The following PIEZO2 variants were observed in gnomAD, a reference collection of about 807,000 sequenced individuals.
The protein encoded by PIEZO2 is piezo type mechanosensitive ion channel component 2, also known as piezo-type mechanosensitive ion channel component 2.
Under a neutral mutation model 337.3 loss-of-function variants are expected in PIEZO2, and 172 were observed. The observed-to-expected ratio is 0.51, with a 90% CI of 0.45 to 0.58. PIEZO2 has a LOEUF of 0.58. Among genes scored for constraint, PIEZO2 ranks in the 20% least tolerant of loss-of-function variants. PIEZO2 has a pLI of 0.00. For missense variants in PIEZO2, 3,028 were observed against 3,391.3 expected, an observed-to-expected ratio of 0.89 and a Z score of 2.66; for synonymous variants, 1,251 against 1,228.5, an observed-to-expected ratio of 1.02 and a Z score of -0.38.
At position 11,069,776 on chromosome 18, in the gene PIEZO2, C is replaced by G. The variant is rs1223413675; in HGVS notation, c.65-3554G>C. Among the ~76,000 whole-genome samples the G allele has an allele frequency of 6.6e-6, 1 of 151,966 alleles. No individual in the cohort carries two copies. Among genetic ancestry groups the G allele is most frequent in the Non-Finnish European group, 1.5e-5 (1 of 67,972 alleles). ...TGACATGATCTTATATTAAGAAAAC[C>G]CTAAAGATTCAACCAAAAAATTGTT... On this transcript the variant is annotated intron_variant, in intron 1 of 55. Coordinates refer to ENST00000674853, the MANE Select transcript of PIEZO2 (RefSeq NM_001378183.1). This position sits in a 1 kb window ranked among gnomAD's most constrained non-coding sequence, Gnocchi z 4.9.
chr18:11,060,833 G>A (rs866111363), intron 2 of PIEZO2, among the ~76,000 whole-genome samples: 1 of 150,854 alleles, frequency 6.6e-6, no homozygotes, highest in Non-Finnish European at 1.5e-5. Flanking sequence ...GAGGTACAAG[G>A]AGGAGCTGGT....
At chr18:10,700,183 A>G (rs1217715857) in intron 43 of PIEZO2, among the ~76,000 whole-genome samples, 1 of 152,080 alleles carries the variant, frequency 6.6e-6, no homozygotes, top group Non-Finnish European at 1.5e-5. Context: ...TATTTAGATT[A>G]TTTCACAACT....
rs2043093856 is a variant in PIEZO2 at position 10,903,253 on chromosome 18, C to T, written c.329+7933G>A. Among the ~76,000 whole-genome samples the T allele has an allele frequency of 6.6e-6, 1 of 152,210 alleles. No homozygotes were observed. The highest frequency in any genetic ancestry group is 1.5e-5 in the Non-Finnish European group (1 of 68,034). On this transcript the variant is annotated intron_variant, in intron 4 of 55. Transcript: ENST00000674853. The surrounding 1 kb of genome is among the most constrained non-coding windows in gnomAD (Gnocchi z 4.1). ...TCACTCTCCTGAACTACTGCAGCAGCTTCCTAGCTGAACTCCTGGCTCATC... is the reference window on the plus strand; with the variant it reads ...TCACTCTCCTGAACTACTGCAGCAGTTTCCTAGCTGAACTCCTGGCTCATC...
intron 28 of PIEZO2, among the ~76,000 whole-genome samples, chr18:10,752,258 A>C (rs1173603979): frequency 6.6e-6 from 1 of 152,190 alleles, no homozygotes; most frequent in Non-Finnish European, 1.5e-5. Flanking sequence ...TTGCCAACAT[A>C]ATACAGCTTT....
intron 1 of PIEZO2, among the ~76,000 whole-genome samples, chr18:11,113,855 G>A (rs1344030569): frequency 6.6e-6 from 1 of 152,192 alleles, no homozygotes; most frequent in East Asian, 1.9e-4. Context: ...GTCCTTTCTT[G>A]GTGTGTTCTC....
chr18:10,729,742 C>T (rs1183271061), intron 36 of PIEZO2, among the ~76,000 whole-genome samples: 2 of 152,124 alleles, frequency 1.3e-5, no homozygotes, highest in East Asian at 3.9e-4. Flanking sequence ...GAATATTCCT[C>T]CTGATCTTTC....
At chr18:10,700,274 T>C (rs1195338836) in intron 43 of PIEZO2, among the ~76,000 whole-genome samples, 2 of 152,136 alleles carry the variant, frequency 1.3e-5, no homozygotes, top group East Asian at 3.8e-4. Context: ...AATAGGATGG[T>C]TTCAAGCACT....
At chr18:10,995,776 GA>G (rs2035298809) in intron 2 of PIEZO2, among the ~76,000 whole-genome samples, 1 of 152,138 alleles carries the variant, frequency 6.6e-6, no homozygotes, top group Non-Finnish European at 1.5e-5. Context: ...CAGGGCTGTG[GA>G]GTTGCTGCCA....
Position 10,704,574 on chromosome 18 carries a change from G to C in PIEZO2, c.6078C>G (p.Ala2026=). The C allele has an allele frequency of 6.5e-7, 1 of 1,537,276 alleles. No individual in the cohort carries two copies. Among genetic ancestry groups the C allele is most frequent in the South Asian group, 1.2e-5 (1 of 84,060 alleles). The change falls in exon 42 of 56, where the codon GCC becomes GCG. Residue 2026 remains alanine (A), a synonymous_variant. Transcript: ENST00000674853. ...AGCGGGCCACCAGGGTATTGTACAT[G>C]GCATAGAAGAGCAGCAGAAATCGGG... ...GQPRFLLLFY[A]MYNTLVARSE... is the part of the protein sequence containing the mutation.
intron 2 of PIEZO2, among the ~76,000 whole-genome samples, chr18:10,994,018 C>A (rs953821164): frequency 6.6e-6 from 1 of 152,136 alleles, no homozygotes; most frequent in Non-Finnish European, 1.5e-5. Flanking sequence ...CCCACACTTT[C>A]CCCCTGCGTC....
chr18:11,043,513 T>A (rs1225340247), intron 2 of PIEZO2, among the ~76,000 whole-genome samples: 4 of 152,146 alleles, frequency 2.6e-5, no homozygotes, highest in African/African-American at 9.7e-5. Context: ...TAGTAATTTT[T>A]ATGTTAATTT....
At chr18:10,892,027 C>T (rs2042772410) in intron 4 of PIEZO2, among the ~76,000 whole-genome samples, 1 of 152,074 alleles carries the variant, frequency 6.6e-6, no homozygotes, top group Non-Finnish European at 1.5e-5. Flanking sequence ...GGCAGTCAGA[C>T]TGAAGATAGA....
At chr18:10,704,782 T>A in intron 41 of PIEZO2, 130 bp from the exon 42 acceptor site, 3 of 1,091,964 alleles carry the variant, frequency 2.7e-6, no homozygotes, top group African/African-American at 1.6e-5. Flanking sequence ...CCTCCCGAAC[T>A]CAAGCCATTC....
chr18:10,706,610 G>A (rs1286988608), intron 40 of PIEZO2, among the ~76,000 whole-genome samples: 1 of 152,142 alleles, frequency 6.6e-6, no homozygotes, highest in Non-Finnish European at 1.5e-5. Flanking sequence ...CTCACTCCCT[G>A]CCTTTGGCAT....
chr18:10,789,133 T>A lies in PIEZO2; in HGVS notation c.2115A>T (p.Val705=). Residue 705 remains valine, a synonymous_variant, in exon 15 of 56, where the codon GTA becomes GTT. Transcript: ENST00000674853. ...FFFVSFEGKI[V]MYKIIYMVLF... ...GCACCATGTAGATGATTTTGTACAT[T>A]ACGATTTTACCCTCGAAGCTGACGA... 6.5e-7 allele frequency: 1 copy of A among 1,537,264 alleles called. No individual in the cohort carries two copies. The highest frequency in any genetic ancestry group is 2.4e-5 in the East Asian group (1 of 40,912).
intron 2 of PIEZO2, among the ~76,000 whole-genome samples, chr18:10,991,506 T>C (rs1240172516): frequency 6.6e-6 from 1 of 152,006 alleles, no homozygotes; most frequent in Non-Finnish European, 1.5e-5. Context: ...CTGCGTTGGT[T>C]TGCTGAGAAT....
At chr18:11,145,436 G>A (rs2040785551) in intron 1 of PIEZO2, among the ~76,000 whole-genome samples, 1 of 152,064 alleles carries the variant, frequency 6.6e-6, no homozygotes, top group Non-Finnish European at 1.5e-5. Flanking sequence ...AAAAACACTA[G>A]GAATCTCTGT....
chr18:10,743,319 C>T (rs1040985123), intron 31 of PIEZO2, among the ~76,000 whole-genome samples: 15 of 152,148 alleles, frequency 9.9e-5, no homozygotes, highest in Admixed American at 6.5e-4. Context: ...ACAGAACTTT[C>T]CCAGGGGGCA....
At position 10,697,853 on chromosome 18, in the gene PIEZO2, T is replaced by A. The variant is rs1228178324; in HGVS notation, c.6722A>T (p.Gln2241Leu). ...AATACTCAAAACACTGCTTCCTTTT[T>A]GACTGCTGTTTCGGGTGCTTGTGCT... Reference protein sequence around the residue: ...RGSTSTRNSSQKGSSVLSIKQ... With the variant: ...RGSTSTRNSSLKGSSVLSIKQ... The change falls in exon 45 of 56, where the codon CAA (glutamine) becomes CTA (leucine). Residue 2241 changes from glutamine to leucine, a missense_variant. Around this residue, in one of 5 missense-constraint regions of PIEZO2, gnomAD observed 1,925 missense variants for 2,051.9 expected, o/e 0.94. Transcript: ENST00000674853. 8 of 1,614,008 alleles carry A rather than the reference T, an allele frequency of 5.0e-6. No individual in the cohort carries two copies. The highest frequency in any genetic ancestry group is 6.8e-6 in the Non-Finnish European group (8 of 1,179,910).
Sources: allele counts gnomAD v4.1 joint callset (sites outside exome capture counted in the v4.1 genomes callset), GRCh38; gene constraint gnomAD v4.1.1; regional missense constraint gnomAD v4.1.1; non-coding constraint Gnocchi (gnomAD v3.1); transcripts MANE v1.5; gene names NCBI Gene and HGNC (gene_info 2026-07-23, HGNC 2026-07-21).